The following ARSB variants were observed in gnomAD, a reference collection of about 807,000 sequenced individuals.
The protein encoded by ARSB is N-acetylgalactosamine-4-sulfatase.
Under a neutral mutation model 50.9 loss-of-function variants are expected in ARSB, and 41 were observed. That is an observed-to-expected ratio of 0.81 (90% CI 0.63 to 1.04). ARSB has a LOEUF of 1.04. Ranked by LOEUF, ARSB falls within the 50% of genes least tolerant of loss-of-function variation. The pLI, the probability that ARSB is intolerant of heterozygous loss-of-function variation, is 0.00. For synonymous variants in ARSB, 269 were observed against 284.8 expected (o/e 0.94, Z 0.56); for missense variants, 672 against 693.3 (o/e 0.97, Z 0.35).
intron 5 of ARSB, among the ~76,000 whole-genome samples, chr5:78,874,934 C>T (rs1249592068): frequency 1.3e-5 from 2 of 151,774 alleles, no homozygotes; most frequent in East Asian, 1.9e-4. Context: ...CATAGTGAGA[C>T]CCTGCCTCTA....
intron 6 of ARSB, among the ~76,000 whole-genome samples, chr5:78,788,270 G>A (rs1308576248): frequency 1.3e-5 from 2 of 152,212 alleles, no homozygotes; most frequent in East Asian, 1.9e-4. Context: ...TGGGAAAAAG[G>A]AGATCAGCAG....
intron 4 of ARSB, among the ~76,000 whole-genome samples, chr5:78,889,949 C>A (rs1275293476): frequency 6.6e-6 from 1 of 152,196 alleles, no homozygotes; most frequent in African/African-American, 2.4e-5. Context: ...AAGGCTCTAG[C>A]AGCCTCATAC....
At chr5:78,820,120 T>G (rs1405458484) in intron 6 of ARSB, among the ~76,000 whole-genome samples, 1 of 152,198 alleles carries the variant, frequency 6.6e-6, no homozygotes, top group Non-Finnish European at 1.5e-5. Flanking sequence ...TTCTCTCCTC[T>G]GGAAGATGCA....
chr5:78,849,968 CG>C (rs1561457391), intron 5 of ARSB, among the ~76,000 whole-genome samples: 1 of 151,530 alleles, frequency 6.6e-6, no homozygotes. Context: ...GGGGCTGAGA[CG>C]ATGGGGTTTT....
Position 78,936,130 on chromosome 5 carries a change from T to TC in ARSB, c.898+19164_898+19165insG, listed in dbSNP as rs1491349710. On this transcript the variant is annotated intron_variant, in intron 4 of 7. Transcript: ENST00000264914. ...CTCCATCCCTTCCTCTCTCTCTCTC[T>TC]TTTTTTTTTTTTTTGGTGGATTCTC... 4.6e-4 allele frequency among the ~76,000 whole-genome samples: 14 copies of TC among 30,236 alleles called. No homozygotes were observed. The East Asian group carries it at 0.011, about 23-fold the overall frequency. 19.8% of individuals were successfully genotyped at this position (30,236 alleles called of 152,430 possible). A position where few individuals can be genotyped will look rare whatever the true frequency, so the allele number is the denominator to read the frequency against.
chr5:78,941,426 G>A (rs1750916615), intron 4 of ARSB, among the ~76,000 whole-genome samples: 1 of 152,162 alleles, frequency 6.6e-6, no homozygotes, highest in Non-Finnish European at 1.5e-5. Flanking sequence ...GTTTGTCATA[G>A]ATAGCTCTTA....
At chr5:78,978,612 A>G (rs1423005889) in intron 1 of ARSB, among the ~76,000 whole-genome samples, 1 of 152,230 alleles carries the variant, frequency 6.6e-6, no homozygotes, top group African/African-American at 2.4e-5. Flanking sequence ...AAACCTTTGT[A>G]ATACAAAGCT....
At chr5:78,843,265 T>C (rs1322630465) in intron 5 of ARSB, among the ~76,000 whole-genome samples, 2 of 152,206 alleles carry the variant, frequency 1.3e-5, no homozygotes, top group Non-Finnish European at 2.9e-5. Context: ...GTTTCCCAGG[T>C]GACATTGATG....
chr5:78,847,437 T>G (rs1013117259), intron 5 of ARSB, among the ~76,000 whole-genome samples: 2 of 152,344 alleles, frequency 1.3e-5, no homozygotes, highest in Admixed American at 1.3e-4. Flanking sequence ...GTGAACGATC[T>G]TTTTAATGTG....
upstream of ARSB, chr5:78,985,569 A>T (rs1753152108): frequency 9.9e-6 from 2 of 202,378 alleles, no homozygotes; most frequent in African/African-American, 4.6e-5. Context: ...CTAAAAAAAA[A>T]AGATGTGTTC....
intron 4 of ARSB, among the ~76,000 whole-genome samples, chr5:78,953,843 T>TA (rs1487496542): frequency 6.6e-6 from 1 of 152,062 alleles, no homozygotes; most frequent in East Asian, 1.9e-4. Flanking sequence ...CAGCAAACTT[T>TA]AAAAAAAGTA....
intron 4 of ARSB, among the ~76,000 whole-genome samples, chr5:78,906,360 A>G (rs1374899323): frequency 1.3e-5 from 2 of 152,072 alleles, no homozygotes; most frequent in Non-Finnish European, 2.9e-5. Context: ...GAAAAAACAA[A>G]TAAAATAGGA....
rs1746901669 is a variant in ARSB at position 78,868,114 on chromosome 5, A to G, written c.1142+17470T>C. On this transcript the variant is annotated intron_variant, in intron 5 of 7. Coordinates refer to ENST00000264914, the MANE Select transcript of ARSB (RefSeq NM_000046.5). ...AAGCAAGAAGGGACGTTTAGAGAAA[A>G]AAGAATAAAAAGAAATGAGCAAAGC... Among the ~76,000 whole-genome samples, 4 of 144,888 alleles carry G rather than the reference A, an allele frequency of 2.8e-5. 1 individual carries two copies. The highest frequency in any genetic ancestry group is 1.0e-4 in the African/African-American group (4 of 38,504).
intron 5 of ARSB, among the ~76,000 whole-genome samples, chr5:78,870,799 T>G (rs1470748316): frequency 1.2e-4 from 18 of 151,640 alleles, no homozygotes; most frequent in African/African-American, 3.9e-4. Flanking sequence ...AACATAGTGT[T>G]GGAAGTTCTG....
intron 6 of ARSB, among the ~76,000 whole-genome samples, chr5:78,798,264 A>G (rs991019088): frequency 6.6e-6 from 1 of 152,278 alleles, no homozygotes. Context: ...GCAGATGCTA[A>G]TCGAATACAG....
At chr5:78,915,730 G>T (rs1020936133) in intron 4 of ARSB, among the ~76,000 whole-genome samples, 1 of 152,134 alleles carries the variant, frequency 6.6e-6, no homozygotes, top group Admixed American at 6.5e-5. Flanking sequence ...TTGGGGCTGG[G>T]ATCAAATCTA....
At chr5:78,917,646 C>G (rs1241582671) in intron 4 of ARSB, among the ~76,000 whole-genome samples, 1 of 152,006 alleles carries the variant, frequency 6.6e-6, no homozygotes, top group Non-Finnish European at 1.5e-5. Flanking sequence ...CAGAGTAGCT[C>G]GGATTACAGT....
intron 4 of ARSB, among the ~76,000 whole-genome samples, chr5:78,925,693 A>G (rs1215346281): frequency 6.6e-6 from 1 of 152,246 alleles, no homozygotes; most frequent in Non-Finnish European, 1.5e-5. Flanking sequence ...TCACATAGCC[A>G]TGTGATACTA....
At chr5:78,942,079 T>C (rs528680967) in intron 4 of ARSB, among the ~76,000 whole-genome samples, 2 of 152,344 alleles carry the variant, frequency 1.3e-5, no homozygotes, top group Admixed American at 6.5e-5. Context: ...TAGAGGTGTT[T>C]GTAGTATTCT....
Sources: allele counts gnomAD v4.1 joint callset (sites outside exome capture counted in the v4.1 genomes callset), GRCh38; gene constraint gnomAD v4.1.1; transcripts MANE v1.5; gene names NCBI Gene and HGNC (gene_info 2026-07-23, HGNC 2026-07-21).